CDH6: variants seen among roughly 807,000 people sequenced by gnomAD.
The protein encoded by CDH6 is cadherin-6.
Under a neutral mutation model 78.0 loss-of-function variants are expected in CDH6, and 31 were observed. The observed-to-expected ratio is 0.40, with a 90% CI of 0.30 to 0.54. The LOEUF (loss-of-function observed/expected upper bound fraction) is 0.54, where lower values mean the gene tolerates loss of function less well. Ranked by LOEUF, CDH6 falls within the 20% of genes least tolerant of loss-of-function variation. The pLI, the probability that CDH6 is intolerant of heterozygous loss-of-function variation, is 0.56. For synonymous variants in CDH6, 376 were observed against 368.8 expected (o/e 1.02, Z -0.23); for missense variants, 724 against 975.9 (o/e 0.74, Z 3.44).
In CDH6 at chr5:31,325,424, G is replaced by A. The variant is rs1383417956; in HGVS notation, c.*2116G>A. On this transcript the variant is annotated 3_prime_UTR_variant, in exon 12 of 12. Coordinates refer to ENST00000265071, the MANE Select transcript of CDH6 (RefSeq NM_004932.4). ...TGATATGTATCATAGTCACAGGTAA[G>A]TGTTGAAAAAAGCTTAGTAAAGTTA... 1.3e-5 allele frequency: 3 copies of A among 231,890 alleles called. No individual in the cohort carries two copies. In the East Asian group the frequency reaches 1.8e-4, roughly 14 times the overall value. The allele number at this position is 231,890 out of a possible 1,614,324, so 14.4% of individuals were successfully genotyped here.
intron 2 of CDH6, among the ~76,000 whole-genome samples, chr5:31,293,455 A>G (rs1198482657): frequency 6.6e-6 from 1 of 152,174 alleles, no homozygotes; most frequent in African/African-American, 2.4e-5. Flanking sequence ...GCTTCCCTAA[A>G]TTCACCAAGA....
chr5:31,254,593 T>C (rs2149926608), intron 1 of CDH6, among the ~76,000 whole-genome samples: 1 of 152,342 alleles, frequency 6.6e-6, no homozygotes, highest in Non-Finnish European at 1.5e-5. Flanking sequence ...TATCCTTGAT[T>C]TCAGGCACCT....
chr5:31,242,960 C>G (rs754487566), intron 1 of CDH6, among the ~76,000 whole-genome samples: 13 of 152,120 alleles, frequency 8.5e-5, no homozygotes, highest in Non-Finnish European at 1.6e-4. Flanking sequence ...GTTTCTATCA[C>G]TCTAAGTCTT....
At chr5:31,209,338 G>A (rs2111798934) in intron 1 of CDH6, among the ~76,000 whole-genome samples, 1 of 152,208 alleles carries the variant, frequency 6.6e-6, no homozygotes, top group Middle Eastern at 3.4e-3. Context: ...TTGAGCCTCT[G>A]CACAATTCTC....
intron 1 of CDH6, among the ~76,000 whole-genome samples, chr5:31,213,379 CTGTTGG>C (rs1740771676): frequency 6.6e-6 from 1 of 152,108 alleles, no homozygotes; most frequent in South Asian, 2.1e-4. Context: ...CAGGAATTGG[CTGTTGG>C]TGTCTCTGTC....
At chr5:31,271,394 G>A (rs974429289) in intron 2 of CDH6, among the ~76,000 whole-genome samples, 5 of 152,158 alleles carry the variant, frequency 3.3e-5, no homozygotes, top group African/African-American at 4.8e-5. Context: ...CAACTGCAGC[G>A]AGACCTTCCT....
chr5:31,194,110 G>A (rs1056517146), intron 1 of CDH6, among the ~76,000 whole-genome samples: 7 of 151,990 alleles, frequency 4.6e-5, no homozygotes, highest in Admixed American at 3.3e-4. Flanking sequence ...GCCGCTTCCC[G>A]GGGAGCCTGG....
chr5:31,278,990 G>A (rs1742780612), intron 2 of CDH6, among the ~76,000 whole-genome samples: 1 of 152,094 alleles, frequency 6.6e-6, no homozygotes, highest in Non-Finnish European at 1.5e-5. Context: ...TAGAGCATGA[G>A]GCTTTTTGAG....
At chr5:31,296,106 A>G (rs3828638) in intron 3 of CDH6, among the ~76,000 whole-genome samples, 55,771 of 151,974 alleles carry the variant, frequency 0.37, 10,720 homozygotes, top group Middle Eastern at 0.43. Flanking sequence ...CTATTTCTTC[A>G]ATAAGTGAAA....
intron 2 of CDH6, among the ~76,000 whole-genome samples, chr5:31,275,350 C>T (rs1742660107): frequency 1.3e-5 from 2 of 152,090 alleles, no homozygotes; most frequent in African/African-American, 2.4e-5. Context: ...CCTCTCCCTC[C>T]CACCTCCCTC....
At chr5:31,292,391 G>A (rs528214726) in intron 2 of CDH6, among the ~76,000 whole-genome samples, 1 of 152,250 alleles carries the variant, frequency 6.6e-6, no homozygotes, top group Non-Finnish European at 1.5e-5. Flanking sequence ...AGCACTTCCT[G>A]TAAATGATAT....
intron 11 of CDH6, among the ~76,000 whole-genome samples, chr5:31,321,958 C>G (rs1300096334): frequency 6.6e-6 from 1 of 152,082 alleles, no homozygotes; most frequent in East Asian, 1.9e-4. Context: ...TGTGTTCCAC[C>G]CAGCCAGCTG....
At chr5:31,249,105 C>T (rs1579850091) in intron 1 of CDH6, 1 of 152,088 alleles carries the variant, frequency 6.6e-6, no homozygotes, top group Non-Finnish European at 1.5e-5. Flanking sequence ...TACTTCAAAA[C>T]ATCATGTAGT....
intron 2 of CDH6, among the ~76,000 whole-genome samples, chr5:31,281,614 C>T (rs1031967940): frequency 6.6e-6 from 1 of 152,212 alleles, no homozygotes; most frequent in East Asian, 1.9e-4. Context: ...GTAAACAATG[C>T]CTTTTTGGGG....
intron 1 of CDH6, among the ~76,000 whole-genome samples, chr5:31,264,586 T>A (rs1742290319): frequency 6.6e-6 from 1 of 152,160 alleles, no homozygotes; most frequent in Non-Finnish European, 1.5e-5. Context: ...AAGTTATATA[T>A]TCAACAGTTT....
chr5:31,306,053 T>G (rs183209708), intron 7 of CDH6, among the ~76,000 whole-genome samples: 2 of 152,290 alleles, frequency 1.3e-5, no homozygotes, highest in African/African-American at 2.4e-5. Context: ...GATTTGAGAT[T>G]TTTTTAAGTG....
chr5:31,208,968 A>T (rs1327813402), intron 1 of CDH6, among the ~76,000 whole-genome samples: 2 of 152,142 alleles, frequency 1.3e-5, no homozygotes, highest in Non-Finnish European at 2.9e-5. Context: ...TTGGCAGTGA[A>T]ACATGCAGTT....
chr5:31,202,592 C>T (rs1022044742), intron 1 of CDH6, among the ~76,000 whole-genome samples: 2 of 151,866 alleles, frequency 1.3e-5, no homozygotes, highest in Admixed American at 6.6e-5. Flanking sequence ...GCCCAGATCA[C>T]GCCATTCTAC....
intron 1 of CDH6, among the ~76,000 whole-genome samples, chr5:31,243,996 G>T (rs759256849): frequency 4.6e-5 from 7 of 152,158 alleles, no homozygotes; most frequent in Non-Finnish European, 1.0e-4. Flanking sequence ...GGCCAATTTT[G>T]TACAGTCTTG....
Sources: allele counts gnomAD v4.1 joint callset (sites outside exome capture counted in the v4.1 genomes callset), GRCh38; gene constraint gnomAD v4.1.1; transcripts MANE v1.5; gene names NCBI Gene and HGNC (gene_info 2026-07-23, HGNC 2026-07-21).